Variants in GALNTL6 observed in about 807,000 individuals in gnomAD.
GALNTL6 encodes the protein polypeptide N-acetylgalactosaminyltransferase-like 6.
A neutral mutation model predicts 73.7 loss-of-function variants in GALNTL6; 46 were observed. The observed-to-expected ratio is 0.62, with a 90% confidence interval of 0.49 to 0.80. The LOEUF is 0.80. Among genes scored for constraint, GALNTL6 ranks in the 30% least tolerant of loss-of-function variants. The probability of loss-of-function intolerance (pLI) is 0.00; values close to 1 mark genes in which losing one functional copy is unlikely to be tolerated. For synonymous variants in GALNTL6, 259 were observed against 263.7 expected, an observed-to-expected ratio of 0.98 and a Z score of 0.17; for missense variants, 604 against 755.0, an observed-to-expected ratio of 0.80 and a Z score of 2.34.
intron 3 of GALNTL6, among the ~76,000 whole-genome samples, chr4:172,301,203 G>A (rs1315727026): frequency 6.6e-6 from 1 of 152,184 alleles, no homozygotes; most frequent in African/African-American, 2.4e-5. Flanking sequence ...CTTGTGGCAT[G>A]GTTTTCAGCT....
intron 3 of GALNTL6, among the ~76,000 whole-genome samples, chr4:172,248,352 G>T (rs983558292): frequency 6.6e-6 from 1 of 152,148 alleles, no homozygotes; most frequent in Non-Finnish European, 1.5e-5. Flanking sequence ...GCTCTGTCTA[G>T]TATGAAGCTA....
chr4:172,854,476 T>C (rs1744019851), intron 7 of GALNTL6, among the ~76,000 whole-genome samples: 1 of 152,212 alleles, frequency 6.6e-6, no homozygotes, highest in Non-Finnish European at 1.5e-5. Context: ...GGAAGATGTA[T>C]GGAGCCTTTT....
intron 6 of GALNTL6, among the ~76,000 whole-genome samples, chr4:172,811,534 T>C (rs1741300640): frequency 1.3e-5 from 2 of 152,172 alleles, no homozygotes; most frequent in African/African-American, 4.8e-5. Flanking sequence ...AAGACATCTC[T>C]GGGGAAATAC....
chr4:172,448,940 T>C lies in GALNTL6; in HGVS notation c.553+100251T>C, dbSNP rs116177568. On this transcript the variant is annotated intron_variant, in intron 5 of 12. Transcript: ENST00000506823. ...TAAGTATATTCACTTTCCCTTTTAATAAGAAAATAATCTCATATTTTCCTC... is the reference window on the plus strand; with the variant it reads ...TAAGTATATTCACTTTCCCTTTTAACAAGAAAATAATCTCATATTTTCCTC... Among the ~76,000 whole-genome samples, 458 of 152,264 alleles carry C rather than the reference T, an allele frequency of 3.0e-3. 2 individuals carry two copies. Among genetic ancestry groups the C allele is most frequent in the African/African-American group, 0.01 (425 of 41,564 alleles).
At chr4:173,031,266 T>C (rs747631150) in intron 12 of GALNTL6, among the ~76,000 whole-genome samples, 7 of 152,228 alleles carry the variant, frequency 4.6e-5, no homozygotes, top group Non-Finnish European at 1.0e-4. Flanking sequence ...AAGAGTTCAA[T>C]TGATGTTAGC....
chr4:172,752,271 T>A (rs1020730390), intron 5 of GALNTL6, among the ~76,000 whole-genome samples: 8 of 151,988 alleles, frequency 5.3e-5, no homozygotes, highest in African/African-American at 1.7e-4. Flanking sequence ...GTGGGCTTTT[T>A]AAAATAAAAC....
intron 5 of GALNTL6, among the ~76,000 whole-genome samples, chr4:172,503,649 T>C (rs1395508277): frequency 6.6e-6 from 1 of 150,906 alleles, no homozygotes; most frequent in East Asian, 1.9e-4. Flanking sequence ...TGTACACTAC[T>C]ATGGAATTTA....
chr4:172,335,961 GTTAT>G (rs985034777), intron 4 of GALNTL6, among the ~76,000 whole-genome samples: 2 of 151,916 alleles, frequency 1.3e-5, no homozygotes, highest in Non-Finnish European at 2.9e-5. Flanking sequence ...TCTGATTTTA[GTTAT>G]TTATTTTCTT....
chr4:172,267,634 A>T (rs1738493656), intron 3 of GALNTL6, among the ~76,000 whole-genome samples: 2 of 152,112 alleles, frequency 1.3e-5, no homozygotes, highest in Admixed American at 6.6e-5. Context: ...AATGAAAAAA[A>T]ATTTCTAATA....
chr4:172,645,349 G>A (rs935435030), intron 5 of GALNTL6, among the ~76,000 whole-genome samples: 4 of 151,918 alleles, frequency 2.6e-5, no homozygotes, highest in African/African-American at 9.7e-5. Flanking sequence ...TTAGGACTAT[G>A]ATCCATAAAT....
intron 5 of GALNTL6, among the ~76,000 whole-genome samples, chr4:172,369,701 A>T (rs557344409): frequency 6.6e-6 from 1 of 152,130 alleles, no homozygotes; most frequent in African/African-American, 2.4e-5. Context: ...CCCTCTGCAG[A>T]TGCTGGCCCA....
At chr4:172,075,926 G>C (rs888592422) in intron 2 of GALNTL6, among the ~76,000 whole-genome samples, 4 of 152,178 alleles carry the variant, frequency 2.6e-5, no homozygotes, top group Non-Finnish European at 4.4e-5. Context: ...AAATTTGTGA[G>C]ATAGTTTACA....
intron 2 of GALNTL6, among the ~76,000 whole-genome samples, chr4:172,029,254 A>G (rs532998222): frequency 6.6e-6 from 1 of 152,222 alleles, no homozygotes; most frequent in East Asian, 1.9e-4. Context: ...AGTGTAAAAT[A>G]CCTACAAATT....
chr4:172,979,878 A>G (rs181464296), intron 10 of GALNTL6, among the ~76,000 whole-genome samples: 1 of 152,330 alleles, frequency 6.6e-6, no homozygotes, highest in Non-Finnish European at 1.5e-5. Flanking sequence ...ACCACTTTCT[A>G]ATGTCCTCCC....
intron 2 of GALNTL6, among the ~76,000 whole-genome samples, chr4:171,952,426 GA>G (rs1314886427): frequency 6.6e-6 from 1 of 151,660 alleles, no homozygotes; most frequent in Admixed American, 6.6e-5. Context: ...TACAATATGA[GA>G]AAAAAATTAT....
intron 2 of GALNTL6, among the ~76,000 whole-genome samples, chr4:171,975,927 G>A (rs895366872): frequency 2.6e-5 from 3 of 117,500 alleles, no homozygotes; most frequent in Admixed American, 1.0e-4. Context: ...ATATACAAGC[G>A]GCATTTTTTT....
At chr4:172,141,202 T>C (rs1437441802) in intron 2 of GALNTL6, among the ~76,000 whole-genome samples, 1 of 152,054 alleles carries the variant, frequency 6.6e-6, no homozygotes, top group Non-Finnish European at 1.5e-5. Context: ...GTGTGCTGGA[T>C]AGTAAGTGTT....
intron 2 of GALNTL6, among the ~76,000 whole-genome samples, chr4:171,987,852 C>T (rs1033469429): frequency 7.9e-5 from 12 of 151,820 alleles, no homozygotes; most frequent in African/African-American, 2.2e-4. Flanking sequence ...GAATGTCAGG[C>T]GCATCAGAGA....
intron 5 of GALNTL6, among the ~76,000 whole-genome samples, chr4:172,799,004 G>A (rs184552438): frequency 6.6e-6 from 1 of 152,188 alleles, no homozygotes; most frequent in African/African-American, 2.4e-5. Flanking sequence ...TTTCTTAGAA[G>A]AATGGGAAGA....
Sources: allele counts gnomAD v4.1 joint callset (sites outside exome capture counted in the v4.1 genomes callset), GRCh38; gene constraint gnomAD v4.1.1; transcripts MANE v1.5; gene names NCBI Gene and HGNC (gene_info 2026-07-23, HGNC 2026-07-21).